ADGRL1: variants seen among roughly 807,000 people sequenced by gnomAD.
The protein encoded by ADGRL1 is adhesion G protein-coupled receptor L1.
Under a neutral mutation model 148.9 loss-of-function variants are expected in ADGRL1, and 31 were observed. The observed-to-expected ratio is 0.21, with a 90% CI of 0.16 to 0.28. The LOEUF (loss-of-function observed/expected upper bound fraction) is 0.28. Among genes scored for constraint, ADGRL1 ranks in the 10% least tolerant of loss-of-function variants. The pLI is 1.00. For missense variants in ADGRL1, 1,521 were observed against 2,058.8 expected, an observed-to-expected ratio of 0.74 and a Z score of 5.05; for synonymous variants, 937 against 900.3, an observed-to-expected ratio of 1.04 and a Z score of -0.73.
intron 1 of ADGRL1, among the ~76,000 whole-genome samples, chr19:14,187,643 G>A (rs1220597916): frequency 1.4e-5 from 2 of 143,384 alleles, no homozygotes; most frequent in Non-Finnish European, 3.0e-5. Context: ...GTCACTTTCA[G>A]ATGATTTTAC....
rs371073181 is a variant in ADGRL1, at chr19:14,151,401, C to T, written c.3882G>A (p.Ala1294=). 1.6e-4 allele frequency: 253 copies of T among 1,609,312 alleles called. 1 individual carries two copies. The highest frequency in any genetic ancestry group is 1.1e-3 in the South Asian group (97 of 90,704). The change falls in exon 23 of 23, where the codon GCG becomes GCA. Residue 1294 remains alanine (A), a synonymous_variant. Coordinates refer to ENST00000361434, the MANE Select transcript of ADGRL1 (RefSeq NM_014921.5). ...GCTCAGGCGGTGGAGGGCCCTTGGC[C>T]GCGCTGCTGCTCCCCCGCAGGTTGT... ...VHNNLRGSSS[A]AKGPPPPEPP...
intron 3 of ADGRL1, among the ~76,000 whole-genome samples, chr19:14,172,985 G>A (rs1178870308): frequency 1.3e-5 from 2 of 151,924 alleles, no homozygotes; most frequent in African/African-American, 2.4e-5. Context: ...TTTGAGACAG[G>A]GTCCCGCTCT....
intron 1 of ADGRL1, among the ~76,000 whole-genome samples, chr19:14,200,013 C>G (rs1972496369): frequency 6.6e-6 from 1 of 152,154 alleles, no homozygotes; most frequent in South Asian, 2.1e-4. Context: ...GGATTACAGG[C>G]ATGAGCCACT....
chr19:14,178,676 C>T (rs997700418), intron 2 of ADGRL1, among the ~76,000 whole-genome samples: 1 of 152,082 alleles, frequency 6.6e-6, no homozygotes, highest in Admixed American at 6.5e-5. Flanking sequence ...GCCACCATGT[C>T]CGGCTAATTT....
intron 1 of ADGRL1, among the ~76,000 whole-genome samples, chr19:14,186,489 A>C (rs1336075826): frequency 6.6e-6 from 1 of 152,114 alleles, no homozygotes; most frequent in Non-Finnish European, 1.5e-5. Context: ...CCCTCACGGA[A>C]GCCATCAGCA....
chr19:14,193,251 T>G (rs1972056074), intron 1 of ADGRL1, among the ~76,000 whole-genome samples: 3 of 100,464 alleles, frequency 3.0e-5, no homozygotes, highest in Admixed American at 1.2e-4. Flanking sequence ...GATTGAAATA[T>G]GGCCCCCCGC....
intron 1 of ADGRL1, among the ~76,000 whole-genome samples, chr19:14,197,693 C>T (rs748807406): frequency 2.0e-5 from 3 of 152,220 alleles, no homozygotes; most frequent in Non-Finnish European, 4.4e-5. Flanking sequence ...GTGTTTTGCT[C>T]CCCTAACTGG....
chr19:14,194,410 G>A (rs1489281630), intron 1 of ADGRL1, among the ~76,000 whole-genome samples: 2 of 152,238 alleles, frequency 1.3e-5, no homozygotes, highest in Non-Finnish European at 2.9e-5. Context: ...ACGACAGGGT[G>A]AGCATCTAGC....
chr19:14,167,930 G>A (rs895263803), intron 4 of ADGRL1, among the ~76,000 whole-genome samples: 12 of 151,960 alleles, frequency 7.9e-5, no homozygotes, highest in Non-Finnish European at 8.8e-5. Context: ...CCCTGCGGAC[G>A]GGCGGCACCT....
chr19:14,204,004 GCGCACACGTATGT>G (rs1011036675), intron 1 of ADGRL1, among the ~76,000 whole-genome samples: 389 of 152,266 alleles, frequency 2.6e-3, no homozygotes, highest in Middle Eastern at 6.8e-3. Flanking sequence ...CCACATGTGA[GCGCACACGTATGT>G]CGCACACGTA....
rs1026804231 is a variant in ADGRL1 at position 14,159,973 on chromosome 19, G to A, written c.1800+139C>T. 37 of 1,040,456 alleles carry A rather than the reference G, an allele frequency of 3.6e-5. No individual in the cohort carries two copies. Among genetic ancestry groups the A allele is most frequent in the Middle Eastern group, 2.8e-4 (1 of 3,534 alleles). The allele number at this position is 1,040,456 out of a possible 1,614,324, so 64.5% of individuals were successfully genotyped here. ...GGAGTGAGACCCGGCAGTCCTTGGC[G>A]GAGAGGGGGGGGTCCTTCCTCTCTG... On this transcript the variant is annotated intron_variant, in intron 8 of 22. Coordinates refer to ENST00000361434, the MANE Select transcript of ADGRL1 (RefSeq NM_014921.5). This position sits in a 1 kb window ranked among gnomAD's most constrained non-coding sequence, Gnocchi z 6.0.
At chr19:14,199,217 G>A (rs912297419) in intron 1 of ADGRL1, among the ~76,000 whole-genome samples, 2 of 152,226 alleles carry the variant, frequency 1.3e-5, no homozygotes, top group Non-Finnish European at 2.9e-5. Context: ...CTCCACGGGG[G>A]AGCTGGGGAA....
chr19:14,163,360 C>T lies in ADGRL1; in HGVS notation c.441G>A (p.Ser147=), dbSNP rs749814143. 1.1e-5 allele frequency: 17 copies of T among 1,598,034 alleles called. No homozygotes were observed. Among genetic ancestry groups the T allele is most frequent in the African/African-American group, 6.7e-5 (5 of 74,562 alleles). The part of the protein sequence containing the change: ...GTLQKVLEPT[S]THESEHQSGA... ...CAGACTGGTGCTCTGACTCGTGTGT[C>T]GAGGTGGGCTCCAGCACCTTCTGCA... is the stretch of plus-strand genomic sequence containing the variant. The change falls in exon 5 of 23, where the codon TCG becomes TCA. Residue 147 remains serine (S), a synonymous_variant. Transcript: ENST00000361434.
Position 14,156,214 on chromosome 19 carries a change from C to A in ADGRL1, c.3034-13G>T. The stretch of plus-strand genomic sequence containing the variant: ...ACACCAGGTTGACCTGGGGGCGGGA[C>A]AAGGGGCAGGCTGGGCTGAGAGTGG... On this transcript the variant is annotated splice_polypyrimidine_tract_variant and intron_variant, in intron 16 of 22. Coordinates refer to ENST00000361434, the MANE Select transcript of ADGRL1 (RefSeq NM_014921.5). 1 of 1,604,510 alleles carries A rather than the reference C, an allele frequency of 6.2e-7. No individual in the cohort carries two copies. Among genetic ancestry groups the A allele is most frequent in the Non-Finnish European group, 8.5e-7 (1 of 1,173,776 alleles).
Position 14,150,721 on chromosome 19 carries a change from C to A in ADGRL1, c.*152G>T, listed in dbSNP as rs1399565239. 3.4e-6 allele frequency: 3 copies of A among 886,610 alleles called. No homozygotes were observed. The highest frequency in any genetic ancestry group is 5.6e-5 in the Admixed American group (2 of 35,498). 54.9% of individuals were successfully genotyped at this position (886,610 alleles called of 1,614,324 possible). On this transcript the variant is annotated 3_prime_UTR_variant, in exon 23 of 23. Coordinates refer to ENST00000361434, the MANE Select transcript of ADGRL1 (RefSeq NM_014921.5). ...GCACCTCAGGCCCCCAGGTTAGAGTCCCCTGAGGGGACTGTAGGGCCCATG... is the reference window on the plus strand; with the variant it reads ...GCACCTCAGGCCCCCAGGTTAGAGTACCCTGAGGGGACTGTAGGGCCCATG...
At chr19:14,153,456 C>T (rs1211843683) in intron 18 of ADGRL1, among the ~76,000 whole-genome samples, 3 of 140,690 alleles carry the variant, frequency 2.1e-5, no homozygotes, top group Non-Finnish European at 3.0e-5. Context: ...TGCACTGTCA[C>T]TCGGGCTGGA....
chr19:14,154,362 ACT>A (rs908406171), intron 18 of ADGRL1, among the ~76,000 whole-genome samples: 1 of 151,972 alleles, frequency 6.6e-6, no homozygotes, highest in African/African-American at 2.4e-5. Context: ...GCCAGGACTG[ACT>A]CTACAAATGC....
chr19:14,150,666 G>C lies in ADGRL1; in HGVS notation c.*207C>G. The C allele has an allele frequency of 1.7e-6, 1 of 594,492 alleles. No individual in the cohort carries two copies. The highest frequency in any genetic ancestry group is 3.0e-5 in the East Asian group (1 of 33,104). The allele number at this position is 594,492 out of a possible 1,614,324, so 36.8% of individuals were successfully genotyped here. Reference sequence around the variant, plus strand: ...CCCCCAAATAGAGCTGGTGCGTGTGGCTGGTGGGAAACCCTGTCTGTGAAC... The same window carrying C: ...CCCCCAAATAGAGCTGGTGCGTGTGCCTGGTGGGAAACCCTGTCTGTGAAC... On this transcript the variant is annotated 3_prime_UTR_variant, in exon 23 of 23. Transcript: ENST00000361434.
intron 1 of ADGRL1, among the ~76,000 whole-genome samples, 195 bp downstream of exon 1, chr19:14,205,790 G>A (rs537472685): frequency 1.3e-5 from 2 of 151,432 alleles, no homozygotes; most frequent in Admixed American, 1.3e-4. Context: ...CCTCGCCAGT[G>A]GGGGTGAGGT....
Sources: gnomAD v4.1 joint callset for allele counts (sites outside exome capture counted in the v4.1 genomes callset) on GRCh38, gnomAD v4.1.1 for gene constraint, Gnocchi (gnomAD v3.1) non-coding constraint, MANE v1.5 for transcripts, NCBI Gene and HGNC (gene_info 2026-07-23, HGNC 2026-07-21) for gene names.